Variants in B3GALT1 observed in about 807,000 individuals in gnomAD.
The protein encoded by B3GALT1 is UDP-Gal:betaGlcNAc beta 1,3-galactosyltransferase, polypeptide 1.
A neutral mutation model predicts 23.2 loss-of-function variants in B3GALT1; 10 were observed. The observed-to-expected ratio is 0.43, with a 90% confidence interval of 0.27 to 0.73. The LOEUF is 0.73. B3GALT1 is among the 30% of genes least tolerant of loss of function. The probability of loss-of-function intolerance (pLI) is 0.21; values close to 1 mark genes in which losing one functional copy is unlikely to be tolerated. For missense variants in B3GALT1, 299 were observed against 405.4 expected (o/e 0.74, Z 2.25); for synonymous variants, 156 against 141.5 (o/e 1.10, Z -0.73).
intron 4 of B3GALT1, among the ~76,000 whole-genome samples, chr2:167,842,802 A>G (rs1172472711): frequency 1.3e-5 from 2 of 152,148 alleles, no homozygotes; most frequent in Non-Finnish European, 2.9e-5. Flanking sequence ...TGAGCCCAAG[A>G]GGTGGAGGTT....
At chr2:167,576,916 G>T (rs1684398448) in intron 2 of B3GALT1, among the ~76,000 whole-genome samples, 1 of 151,652 alleles carries the variant, frequency 6.6e-6, no homozygotes, top group East Asian at 1.9e-4. Flanking sequence ...AGCTTTTAAG[G>T]AGAAAGTAAT....
At chr2:167,530,392 T>G (rs989361343) in intron 2 of B3GALT1, among the ~76,000 whole-genome samples, 1 of 152,182 alleles carries the variant, frequency 6.6e-6, no homozygotes, top group African/African-American at 2.4e-5. Flanking sequence ...ACTCCCTTGC[T>G]CCTAAGATCA....
intron 1 of B3GALT1, among the ~76,000 whole-genome samples, chr2:167,340,628 A>T (rs1697132802): frequency 2.0e-5 from 3 of 152,322 alleles, no homozygotes; most frequent in Non-Finnish European, 1.5e-5. Flanking sequence ...TGGTCATGTC[A>T]CCTTGACGTA....
intron 2 of B3GALT1, among the ~76,000 whole-genome samples, chr2:167,614,282 A>G (rs114738177): frequency 0.016 from 2,358 of 146,746 alleles, 74 homozygotes; most frequent in African/African-American, 0.056. Flanking sequence ...AAAGAAAATG[A>G]AAAAAAAAAC....
chr2:167,728,886 G>A (rs1018639519), intron 3 of B3GALT1, among the ~76,000 whole-genome samples: 1 of 152,012 alleles, frequency 6.6e-6, no homozygotes, highest in Non-Finnish European at 1.5e-5. Context: ...ATTCCAGAAA[G>A]TATCTTACTG....
At chr2:167,505,677 C>CA (rs1699907585) in intron 2 of B3GALT1, among the ~76,000 whole-genome samples, 1 of 151,910 alleles carries the variant, frequency 6.6e-6, no homozygotes, top group Non-Finnish European at 1.5e-5. Flanking sequence ...ACCCTGTTCA[C>CA]AAAAATGTAT....
At chr2:167,588,498 C>A (rs1271439804) in intron 2 of B3GALT1, among the ~76,000 whole-genome samples, 1 of 152,062 alleles carries the variant, frequency 6.6e-6, no homozygotes, top group African/African-American at 2.4e-5. Flanking sequence ...TTTACACTCC[C>A]CACAATAGCA....
intron 3 of B3GALT1, among the ~76,000 whole-genome samples, chr2:167,695,898 A>G (rs1408997031): frequency 6.6e-6 from 1 of 152,064 alleles, no homozygotes; most frequent in Admixed American, 6.6e-5. Flanking sequence ...TTCCAACCAG[A>G]GGGAAAGGAG....
At chr2:167,803,081 A>AACACAC (rs71940853) in intron 3 of B3GALT1, among the ~76,000 whole-genome samples, 3,055 of 141,428 alleles carry the variant, frequency 0.022, 103 homozygotes, top group African/African-American at 0.064. Context: ...GACCCTAACA[A>AACACAC]ACACACACAC....
chr2:167,812,951 A>G (rs1398336051), intron 3 of B3GALT1, among the ~76,000 whole-genome samples: 1 of 149,452 alleles, frequency 6.7e-6, no homozygotes, highest in East Asian at 1.9e-4. Flanking sequence ...ACACCAAGAC[A>G]TACATGCATA....
intron 1 of B3GALT1, among the ~76,000 whole-genome samples, chr2:167,444,599 G>A (rs564828351): frequency 6.6e-6 from 1 of 152,256 alleles, no homozygotes; most frequent in Middle Eastern, 3.4e-3. Flanking sequence ...TCTTGGGAGG[G>A]TGCATGTGTC....
intron 2 of B3GALT1, among the ~76,000 whole-genome samples, chr2:167,494,795 C>T (rs1323543829): frequency 6.6e-6 from 1 of 152,136 alleles, no homozygotes; most frequent in African/African-American, 2.4e-5. Flanking sequence ...AGCAGTGATA[C>T]CCATATCTGG....
intron 1 of B3GALT1, among the ~76,000 whole-genome samples, chr2:167,372,920 G>A (rs1454835389): frequency 1.3e-5 from 2 of 151,956 alleles, no homozygotes; most frequent in Non-Finnish European, 2.9e-5. Flanking sequence ...CACAGACTCA[G>A]CACAATCTCA....
intron 1 of B3GALT1, among the ~76,000 whole-genome samples, chr2:167,389,175 G>T (rs570585383): frequency 4.0e-4 from 61 of 152,282 alleles, no homozygotes; most frequent in African/African-American, 1.4e-3. Context: ...GAATATTTTT[G>T]ATGGTGAAGC....
chr2:167,408,814 CAAA>C (rs1698351246), intron 1 of B3GALT1, among the ~76,000 whole-genome samples: 1 of 99,978 alleles, frequency 1.0e-5, no homozygotes, highest in African/African-American at 3.6e-5. Flanking sequence ...AAAAAAAAAA[CAAA>C]AGACAAACAA....
rs1688291635 is a variant in B3GALT1, at chr2:167,783,879, A to G, written c.-351-34793A>G. 2.6e-5 allele frequency among the ~76,000 whole-genome samples: 4 copies of G among 152,190 alleles called. No homozygotes were observed. In the South Asian group the frequency reaches 8.3e-4, roughly 32 times the overall value. On this transcript the variant is annotated intron_variant, in intron 3 of 4. Coordinates refer to ENST00000392690, the MANE Select transcript of B3GALT1 (RefSeq NM_020981.4). ...CATTAGATTTGAAAGCCATTTTTCC[A>G]GGCTAGTAACCTCTGGGGGAATCCA...
intron 3 of B3GALT1, among the ~76,000 whole-genome samples, chr2:167,791,425 T>C (rs941290404): frequency 6.6e-6 from 1 of 152,218 alleles, no homozygotes; most frequent in Admixed American, 6.5e-5. Context: ...CAAGTCACAA[T>C]TGGTCAAATC....
intron 3 of B3GALT1, among the ~76,000 whole-genome samples, chr2:167,740,883 T>C (rs1306280410): frequency 1.3e-5 from 2 of 152,154 alleles, no homozygotes; most frequent in African/African-American, 4.8e-5. Context: ...TGTGGTAACT[T>C]CTCAATTTCT....
rs528490700 is a variant in B3GALT1 at position 167,556,989 on chromosome 2, CA to C, written c.-410+66713del. ...TGTGCCCTTGGGTCCAGCCAAAGTT[CA>C]TTTATGGATCTCTGTGATTCTAAAA... On this transcript the variant is annotated intron_variant, in intron 2 of 4. Coordinates refer to ENST00000392690, the MANE Select transcript of B3GALT1 (RefSeq NM_020981.4). Among the ~76,000 whole-genome samples, 19 of 152,266 alleles carry C rather than the reference CA, an allele frequency of 1.2e-4. No homozygotes were observed. In the South Asian group the frequency reaches 3.9e-3, roughly 32 times the overall value.
Sources: allele counts gnomAD v4.1 joint callset (sites outside exome capture counted in the v4.1 genomes callset), GRCh38; gene constraint gnomAD v4.1.1; transcripts MANE v1.5; gene names NCBI Gene and HGNC (gene_info 2026-07-23, HGNC 2026-07-21).